The following KCNK12 variants were observed in gnomAD, a reference collection of about 807,000 sequenced individuals.
KCNK12 encodes potassium channel subfamily K member 12.
In KCNK12, 6 loss-of-function variants were observed where a neutral mutation model predicts 25.3. That is an observed-to-expected ratio of 0.24 (90% CI 0.13 to 0.47). KCNK12 has a LOEUF of 0.47. Among genes scored for constraint, KCNK12 ranks in the 20% least tolerant of loss-of-function variants. The pLI is 0.99. For synonymous variants in KCNK12, 331 were observed against 311.1 expected (o/e 1.06, Z -0.67); for missense variants, 444 against 661.7 (o/e 0.67, Z 3.61).
At chr2:47,523,526 T>TTTCC (rs2104733365) in intron 1 of KCNK12, among the ~76,000 whole-genome samples, 1 of 152,348 alleles carries the variant, frequency 6.6e-6, no homozygotes, top group East Asian at 1.9e-4. Context: ...AAGCACAGGC[T>TTTCC]TTAAGGGTGT....
intron 1 of KCNK12, among the ~76,000 whole-genome samples, chr2:47,558,262 C>A (rs1669590689): frequency 6.6e-6 from 1 of 152,254 alleles, no homozygotes; most frequent in Non-Finnish European, 1.5e-5. Flanking sequence ...CACACAGTCA[C>A]ACAAGTGATT....
chr2:47,554,192 T>A (rs1269624677), intron 1 of KCNK12, among the ~76,000 whole-genome samples: 1 of 152,150 alleles, frequency 6.6e-6, no homozygotes, highest in Non-Finnish European at 1.5e-5. Flanking sequence ...AATATAATAG[T>A]GGACAAGAGA....
At chr2:47,535,539 G>A (rs998645637) in intron 1 of KCNK12, among the ~76,000 whole-genome samples, 2 of 152,190 alleles carry the variant, frequency 1.3e-5, no homozygotes, top group African/African-American at 4.8e-5. Flanking sequence ...TGGGGAGGTT[G>A]ATGGCCCGCA....
rs1356780075 is a variant in KCNK12 at position 47,514,558 on chromosome 2, G to A, written c.*6349C>T. ...ATAAATATGCAAGTCTCTTATCTGG[G>A]GGTCTGGCTTGGTAAATATAAAGTT... On this transcript the variant is annotated 3_prime_UTR_variant, in exon 2 of 2. Transcript: ENST00000327876. This position sits in a 1 kb window ranked among gnomAD's most constrained non-coding sequence, Gnocchi z 5.0. 1.3e-5 allele frequency among the ~76,000 whole-genome samples: 2 copies of A among 152,114 alleles called. No individual in the cohort carries two copies. Among genetic ancestry groups the A allele is most frequent in the Non-Finnish European group, 2.9e-5 (2 of 68,012 alleles).
intron 1 of KCNK12, among the ~76,000 whole-genome samples, chr2:47,539,789 T>G (rs890069480): frequency 2.0e-5 from 3 of 152,140 alleles, no homozygotes; most frequent in African/African-American, 7.2e-5. Context: ...TGGCTGCTGT[T>G]AAAGCCGCTT....
In KCNK12 at chr2:47,551,895, G is replaced by C. The variant is rs143347882; in HGVS notation, c.391+18046C>G. On this transcript the variant is annotated intron_variant, in intron 1 of 1. Coordinates refer to ENST00000327876, the MANE Select transcript of KCNK12 (RefSeq NM_022055.2). The surrounding 1 kb of genome is among the most constrained non-coding windows in gnomAD (Gnocchi z 5.3). ...AGCCTGGAAACATTACAAGGGAGTA[G>C]AGCCAGGGCCTTGTAGATACTGGCT... is the stretch of plus-strand genomic sequence containing the variant. 2.7e-3 allele frequency among the ~76,000 whole-genome samples: 411 copies of C among 152,302 alleles called. 2 individuals are homozygous for C. Among genetic ancestry groups the C allele is most frequent in the African/African-American group, 8.7e-3 (363 of 41,570 alleles).
intron 1 of KCNK12, among the ~76,000 whole-genome samples, chr2:47,553,399 T>A (rs373433539): frequency 2.0e-5 from 3 of 151,930 alleles, no homozygotes; most frequent in African/African-American, 7.3e-5. Context: ...ATATAAGCTG[T>A]TTTTTTTGGT....
intron 1 of KCNK12, among the ~76,000 whole-genome samples, chr2:47,552,182 T>C (rs1013369532): frequency 3.3e-5 from 5 of 152,132 alleles, no homozygotes; most frequent in African/African-American, 1.2e-4. Flanking sequence ...TGAAGGGGAC[T>C]CTAGGGACAA....
rs1558545129 is a variant in KCNK12 at position 47,519,511 on chromosome 2, G to A, written c.*1396C>T. ...AGAAAAATGGGCAGAGAGAGTGTTC[G>A]TTTACACCCCCAGACCACTATCCTT... On this transcript the variant is annotated 3_prime_UTR_variant, in exon 2 of 2. Coordinates refer to ENST00000327876, the MANE Select transcript of KCNK12 (RefSeq NM_022055.2). 1.3e-5 allele frequency: 2 copies of A among 152,160 alleles called. No homozygotes were observed. The highest frequency in any genetic ancestry group is 1.3e-4 in the Admixed American group (2 of 15,274). The allele number at this position is 152,160 out of a possible 1,614,324, so 9.4% of individuals were successfully genotyped here.
At chr2:47,564,014 T>G (rs1018465859) in intron 1 of KCNK12, 4 of 230,982 alleles carry the variant, frequency 1.7e-5, no homozygotes, top group African/African-American at 6.6e-5. Context: ...TGCCCCCACC[T>G]GTTTTTTCTT....
Position 47,514,903 on chromosome 2 carries a change from T to C in KCNK12, c.*6004A>G, listed in dbSNP as rs1241590958. Among the ~76,000 whole-genome samples the C allele has an allele frequency of 3.3e-5, 5 of 152,212 alleles. No homozygotes were observed. Among genetic ancestry groups the C allele is most frequent in the East Asian group, 1.9e-4 (1 of 5,200 alleles). ...CTGGGATTATAGACATGAGCCACCA[T>C]GCCCAGCTAAAAGTTCCTTTTTAAA... On this transcript the variant is annotated 3_prime_UTR_variant, in exon 2 of 2. Coordinates refer to ENST00000327876, the MANE Select transcript of KCNK12 (RefSeq NM_022055.2). The surrounding 1 kb of genome is among the most constrained non-coding windows in gnomAD (Gnocchi z 5.0).
Position 47,556,285 on chromosome 2 carries a change from TGTAA to T in KCNK12, c.391+13652_391+13655del, listed in dbSNP as rs760129949. ...AGTGAGACCCAGTGAAGCTGGCATTTGTAAGTGGGCACTTCATCCACTGCCACAG... is the reference window on the plus strand; with the variant it reads ...AGTGAGACCCAGTGAAGCTGGCATTTGTGGGCACTTCATCCACTGCCACAG... On this transcript the variant is annotated intron_variant, in intron 1 of 1. Transcript: ENST00000327876. This position sits in a 1 kb window ranked among gnomAD's most constrained non-coding sequence, Gnocchi z 4.8. Among the ~76,000 whole-genome samples, 4 of 152,196 alleles carry T rather than the reference TGTAA, an allele frequency of 2.6e-5. 1 individual carries two copies. The highest frequency in any genetic ancestry group is 2.0e-4 in the Admixed American group (3 of 15,286).
At position 47,562,262 on chromosome 2, in the gene KCNK12, G is replaced by A. The variant is rs1669687788; in HGVS notation, c.391+7679C>T. 1 of 397,028 alleles carries A rather than the reference G, an allele frequency of 2.5e-6. No homozygotes were observed. The highest frequency in any genetic ancestry group is 2.1e-5 in the African/African-American group (1 of 48,736). 24.6% of individuals were successfully genotyped at this position (397,028 alleles called of 1,614,324 possible). A position where few individuals can be genotyped will look rare whatever the true frequency, so the allele number is the denominator to read the frequency against. The stretch of plus-strand genomic sequence containing the variant: ...GCATGCTATCCTACCTTCCTGGTCT[G>A]TAACATCTGTTGCTGTTGAGTATAA... On this transcript the variant is annotated intron_variant, in intron 1 of 1. Transcript: ENST00000327876. This position sits in a 1 kb window ranked among gnomAD's most constrained non-coding sequence, Gnocchi z 4.8.
rs1257249327 is a variant in KCNK12, at chr2:47,518,503, G to C, written c.*2404C>G. ...GCTGCAGCATAAGCAACTTAGGATAGAGTCTAGGAAGCACCGCCAACAGAG... is the reference window on the plus strand; with the variant it reads ...GCTGCAGCATAAGCAACTTAGGATACAGTCTAGGAAGCACCGCCAACAGAG... On this transcript the variant is annotated 3_prime_UTR_variant, in exon 2 of 2. Transcript: ENST00000327876. The surrounding 1 kb of genome is among the most constrained non-coding windows in gnomAD (Gnocchi z 4.1). 2 of 152,246 alleles carry C rather than the reference G, an allele frequency of 1.3e-5. No individual in the cohort carries two copies. The highest frequency in any genetic ancestry group is 2.9e-5 in the Non-Finnish European group (2 of 68,054). 9.4% of individuals were successfully genotyped at this position (152,246 alleles called of 1,614,324 possible). A position where few individuals can be genotyped will look rare whatever the true frequency, so the allele number is the denominator to read the frequency against.
intron 1 of KCNK12, among the ~76,000 whole-genome samples, chr2:47,558,438 C>T (rs990605020): frequency 6.6e-6 from 1 of 152,248 alleles, no homozygotes; most frequent in Non-Finnish European, 1.5e-5. Context: ...AGCTTTCTTT[C>T]CCGACCTTCC....
chr2:47,552,285 G>A (rs1669452769), intron 1 of KCNK12, among the ~76,000 whole-genome samples: 1 of 152,156 alleles, frequency 6.6e-6, no homozygotes, highest in African/African-American at 2.4e-5. Context: ...GCAGGGCACA[G>A]GGGGCTGCCC....
rs1458571555 is a variant in KCNK12 at position 47,565,373 on chromosome 2, T to TG, written c.391+4567dup. 5.3e-5 allele frequency: 8 copies of TG among 152,166 alleles called. No individual in the cohort carries two copies. Among genetic ancestry groups the TG allele is most frequent in the Non-Finnish European group, 1.5e-5 (1 of 68,018 alleles). 9.4% of individuals were successfully genotyped at this position (152,166 alleles called of 1,614,324 possible). ...CAAAAAGAGTTTTAAAAATCCATGT[T>TG]GAAAAAGAGGGAAAAAGTTAGGACT... On this transcript the variant is annotated intron_variant, in intron 1 of 1. Coordinates refer to ENST00000327876, the MANE Select transcript of KCNK12 (RefSeq NM_022055.2). The surrounding 1 kb of genome is among the most constrained non-coding windows in gnomAD (Gnocchi z 5.0).
intron 1 of KCNK12, 53 bp from the exon 2 acceptor site, chr2:47,521,861 C>T: frequency 1.3e-6 from 1 of 757,796 alleles, no homozygotes; most frequent in Non-Finnish European, 1.8e-6. Flanking sequence ...GTGGTCCTCA[C>T]TGGGCGAGGG....
At chr2:47,552,722 C>T (rs1021220686) in intron 1 of KCNK12, among the ~76,000 whole-genome samples, 22 of 151,992 alleles carry the variant, frequency 1.4e-4, no homozygotes, top group East Asian at 3.9e-4. Context: ...GAGCAGGGAT[C>T]GCACCACTCC....
Sources: gnomAD v4.1 joint callset for allele counts (sites outside exome capture counted in the v4.1 genomes callset) on GRCh38, gnomAD v4.1.1 for gene constraint, Gnocchi (gnomAD v3.1) non-coding constraint, MANE v1.5 for transcripts, NCBI Gene and HGNC (gene_info 2026-07-23, HGNC 2026-07-21) for gene names.